The following NIPAL3 variants were observed in gnomAD, a reference collection of about 807,000 sequenced individuals.
NIPAL3 encodes the protein NIPA like domain containing 3.
Under a neutral mutation model 47.2 loss-of-function variants are expected in NIPAL3, and 41 were observed. The ratio of observed to expected loss-of-function variants is 0.87; its 90% CI spans 0.68 to 1.13. The LOEUF is 1.13. Among genes scored for constraint, NIPAL3 ranks in the 50% most tolerant of loss-of-function variants. The pLI is 0.00. For missense variants in NIPAL3, 449 were observed against 530.1 expected (o/e 0.85, Z 1.50); for synonymous variants, 194 against 209.6 (o/e 0.93, Z 0.64).
intron 6 of NIPAL3, among the ~76,000 whole-genome samples, 193 bp from the exon 7 acceptor site, chr1:24,453,215 A>G (rs956789495): frequency 6.6e-6 from 1 of 152,172 alleles, no homozygotes; most frequent in Admixed American, 6.5e-5. Context: ...AGTACTAGCC[A>G]GGGATTAGAG....
At chr1:24,459,776 G>T (rs1357553931) in intron 9 of NIPAL3, among the ~76,000 whole-genome samples, 1 of 152,238 alleles carries the variant, frequency 6.6e-6, no homozygotes, top group African/African-American at 2.4e-5. Context: ...CTAAGTCAGG[G>T]TCAAGAAGCT....
intron 2 of NIPAL3, among the ~76,000 whole-genome samples, chr1:24,437,366 T>C (rs1307431226): frequency 2.0e-5 from 3 of 152,370 alleles, no homozygotes; most frequent in East Asian, 3.9e-4. Flanking sequence ...ATAACATATT[T>C]CTTTTTACAA....
intron 7 of NIPAL3, among the ~76,000 whole-genome samples, chr1:24,455,193 G>A (rs1482858989): frequency 6.6e-6 from 1 of 152,212 alleles, no homozygotes; most frequent in East Asian, 1.9e-4. Context: ...GGCTTCACCT[G>A]GACCACGCTT....
chr1:24,437,164 A>G (rs1399030867), intron 2 of NIPAL3, among the ~76,000 whole-genome samples: 2 of 152,222 alleles, frequency 1.3e-5, no homozygotes, highest in Admixed American at 6.5e-5. Context: ...AGGCAGGAGA[A>G]TGGCGTGAAC....
chr1:24,458,807 C>A, intron 8 of NIPAL3, 81 bp from the exon 9 acceptor site: 1 of 1,110,034 alleles, frequency 9.0e-7, no homozygotes, highest in Non-Finnish European at 1.4e-6. Context: ...CTTCATATTT[C>A]AAACCAAACT....
chr1:24,457,326 G>A (rs985883062), intron 8 of NIPAL3, among the ~76,000 whole-genome samples: 4 of 152,206 alleles, frequency 2.6e-5, no homozygotes, highest in Non-Finnish European at 5.9e-5. Context: ...TCTTGTTTGC[G>A]TTTGAGTCCT....
At chr1:24,429,809 C>T (rs1644797218) in intron 2 of NIPAL3, among the ~76,000 whole-genome samples, 1 of 152,158 alleles carries the variant, frequency 6.6e-6, no homozygotes, top group African/African-American at 2.4e-5. Context: ...ACATAGGAAC[C>T]CAAGGCCCTA....
At chr1:24,467,883 G>A (rs1158200073) in intron 11 of NIPAL3, among the ~76,000 whole-genome samples, 3 of 152,148 alleles carry the variant, frequency 2.0e-5, no homozygotes, top group African/African-American at 7.2e-5. Flanking sequence ...CTTTAGCCCA[G>A]TGCCCAGGGC....
chr1:24,453,662 C>T (rs1364059771), intron 7 of NIPAL3, among the ~76,000 whole-genome samples, 158 bp downstream of exon 7: 1 of 151,954 alleles, frequency 6.6e-6, no homozygotes, highest in Non-Finnish European at 1.5e-5. Context: ...GAGCTGGGTC[C>T]CTGCTGACCG....
In NIPAL3 at chr1:24,451,002, A is replaced by G. The variant is rs906853635; in HGVS notation, c.540+1376A>G. Among the ~76,000 whole-genome samples the G allele has an allele frequency of 6.6e-6, 1 of 152,226 alleles. No individual in the cohort carries two copies. The highest frequency in any genetic ancestry group is 6.5e-5 in the Admixed American group (1 of 15,292). Reference sequence around the variant, plus strand: ...ACCCCAGAACAGGCCTTTCACTCAGAGGATTGAAGCCCAAGACTTCCTAAG... The same window carrying G: ...ACCCCAGAACAGGCCTTTCACTCAGGGGATTGAAGCCCAAGACTTCCTAAG... On this transcript the variant is annotated intron_variant, in intron 6 of 11. Coordinates refer to ENST00000374399, the MANE Select transcript of NIPAL3 (RefSeq NM_020448.5). The surrounding 1 kb of genome is among the most constrained non-coding windows in gnomAD (Gnocchi z 4.5).
intron 1 of NIPAL3, among the ~76,000 whole-genome samples, chr1:24,418,141 C>T (rs1644143148): frequency 6.6e-6 from 1 of 152,106 alleles, no homozygotes; most frequent in Non-Finnish European, 1.5e-5. Context: ...AGTTAAATGA[C>T]CTGGCAAAGG....
intron 6 of NIPAL3, among the ~76,000 whole-genome samples, chr1:24,450,453 G>A (rs902816657): frequency 6.6e-6 from 1 of 151,984 alleles, no homozygotes; most frequent in South Asian, 2.1e-4. Context: ...TAACCCCTCC[G>A]CCAGAGCTCA....
chr1:24,432,162 T>G (rs1015465261), intron 2 of NIPAL3, among the ~76,000 whole-genome samples: 1 of 152,108 alleles, frequency 6.6e-6, no homozygotes, highest in African/African-American at 2.4e-5. Flanking sequence ...GGAGTTTCGC[T>G]CTTGTTGCCT....
chr1:24,429,704 G>A (rs1361435717), intron 2 of NIPAL3, among the ~76,000 whole-genome samples: 1 of 152,202 alleles, frequency 6.6e-6, no homozygotes. Flanking sequence ...ATTTGGGTCT[G>A]ATTGGAGGAA....
At chr1:24,444,249 A>G (rs779788775) in intron 4 of NIPAL3, among the ~76,000 whole-genome samples, 2 of 152,174 alleles carry the variant, frequency 1.3e-5, no homozygotes, top group Non-Finnish European at 2.9e-5. Flanking sequence ...ACTTACATAT[A>G]TCATTGAATT....
At chr1:24,421,211 A>G (rs1644314507) in intron 2 of NIPAL3, among the ~76,000 whole-genome samples, 1 of 151,980 alleles carries the variant, frequency 6.6e-6, no homozygotes, top group South Asian at 2.1e-4. Context: ...CAAAAAATAC[A>G]AAAAATTAGC....
At chr1:24,460,933 A>G (rs1350401184) in intron 10 of NIPAL3, among the ~76,000 whole-genome samples, 1 of 152,202 alleles carries the variant, frequency 6.6e-6, no homozygotes, top group Non-Finnish European at 1.5e-5. Flanking sequence ...GCATACTTGA[A>G]TGTGGGAGGA....
rs970078281 is a variant in NIPAL3 at position 24,416,755 on chromosome 1, A to T, written c.-258+851A>T. ...GTCTTATAAGGGAGTACAGCTTGCA[A>T]AGGGTTCCTCCAGGCTTTCAGTCCG... On this transcript the variant is annotated intron_variant, in intron 1 of 11. Transcript: ENST00000374399. The surrounding 1 kb of genome is among the most constrained non-coding windows in gnomAD (Gnocchi z 4.8). 6.6e-6 allele frequency: 1 copy of T among 152,176 alleles called. No individual in the cohort carries two copies. The highest frequency in any genetic ancestry group is 1.5e-5 in the Non-Finnish European group (1 of 68,046). The allele number at this position is 152,176 out of a possible 1,614,324, so 9.4% of individuals were successfully genotyped here.
chr1:24,439,606 C>G (rs1195825030), intron 2 of NIPAL3, among the ~76,000 whole-genome samples: 4 of 151,588 alleles, frequency 2.6e-5, no homozygotes, highest in African/African-American at 9.7e-5. Context: ...ATATATATTT[C>G]CTATTTAGTC....
Sources: allele counts gnomAD v4.1 joint callset (sites outside exome capture counted in the v4.1 genomes callset), GRCh38; gene constraint gnomAD v4.1.1; non-coding constraint Gnocchi (gnomAD v3.1); transcripts MANE v1.5; gene names NCBI Gene and HGNC (gene_info 2026-07-23, HGNC 2026-07-21).